The following CCDC7 variants were observed in gnomAD, a reference collection of about 807,000 sequenced individuals.
CCDC7 encodes coiled-coil domain-containing protein 7.
A neutral mutation model predicts 196.9 loss-of-function variants in CCDC7; 183 were observed. That is an observed-to-expected ratio of 0.93 (90% CI 0.82 to 1.05). The LOEUF (loss-of-function observed/expected upper bound fraction) is 1.05. CCDC7 is among the 50% of genes least tolerant of loss of function. The pLI is 0.00. For missense variants in CCDC7, 1,540 were observed against 1,482.2 expected, an observed-to-expected ratio of 1.04 and a Z score of -0.64; for synonymous variants, 525 against 484.6, an observed-to-expected ratio of 1.08 and a Z score of -1.10.
intron 41 of CCDC7, among the ~76,000 whole-genome samples, chr10:32,875,689 T>G (rs747611327): frequency 1.3e-5 from 2 of 152,034 alleles, no homozygotes; most frequent in African/African-American, 2.4e-5. Context: ...TAACAAACAA[T>G]GTTGCAACAA....
chr10:32,781,546 C>CA (rs1290072210), intron 29 of CCDC7, among the ~76,000 whole-genome samples: 2 of 152,036 alleles, frequency 1.3e-5, no homozygotes, highest in Non-Finnish European at 2.9e-5. Flanking sequence ...TTAACAACAA[C>CA]AAAAAACCCC....
intron 13 of CCDC7, among the ~76,000 whole-genome samples, chr10:32,551,536 G>T (rs1320347856): frequency 6.6e-6 from 1 of 152,012 alleles, no homozygotes; most frequent in Non-Finnish European, 1.5e-5. Flanking sequence ...CACTTTTAGG[G>T]CTATGAACTT....
At chr10:32,620,659 A>C (rs530628874) in intron 18 of CCDC7, among the ~76,000 whole-genome samples, 1 of 152,302 alleles carries the variant, frequency 6.6e-6, no homozygotes, top group South Asian at 2.1e-4. Flanking sequence ...TTTATATTTA[A>C]GAACTTTTCC....
intron 18 of CCDC7, among the ~76,000 whole-genome samples, chr10:32,622,601 T>C (rs2063533612): frequency 6.6e-6 from 1 of 152,080 alleles, no homozygotes; most frequent in Non-Finnish European, 1.5e-5. Context: ...CTCTGCACTG[T>C]TGACATTTTG....
chr10:32,588,501 G>T (rs182838500), intron 18 of CCDC7, among the ~76,000 whole-genome samples: 130 of 151,972 alleles, frequency 8.6e-4, no homozygotes, highest in African/African-American at 2.8e-3. Flanking sequence ...TTTCTTTCCT[G>T]GGATAAATCC....
chr10:32,462,806 A>G, intron 4 of CCDC7, 103 bp downstream of exon 5: 2 of 1,278,342 alleles, frequency 1.6e-6, no homozygotes, highest in Non-Finnish European at 1.1e-6. Context: ...AAGGAATTCC[A>G]TACTTGCTGC....
At position 32,850,816 on chromosome 10, in the gene CCDC7, CACAG is replaced by C. The variant is rs1376771204; in HGVS notation, c.3896-989_3896-986del. ...ACACACACACACACACACACACACA[CACAG>C]AGACATGCAATGTAACAGTGGTGAG... On this transcript the variant is annotated intron_variant, in intron 39 of 41. Transcript: ENST00000639629. Among the ~76,000 whole-genome samples, 1,114 of 117,832 alleles carry C rather than the reference CACAG, an allele frequency of 9.5e-3. 10 individuals carry two copies. The highest frequency in any genetic ancestry group is 0.026 in the South Asian group (64 of 2,500). The allele number at this position is 117,832 out of a possible 152,430, so 77.3% of individuals were successfully genotyped here. A position where few individuals can be genotyped will look rare whatever the true frequency, so the allele number is the denominator to read the frequency against.
intron 28 of CCDC7, among the ~76,000 whole-genome samples, chr10:32,736,071 G>A (rs776726970): frequency 6.6e-6 from 1 of 152,108 alleles, no homozygotes; most frequent in African/African-American, 2.4e-5. Flanking sequence ...AGGGCTACAG[G>A]AATTTTTAAA....
chr10:32,708,208 A>G (rs977939048), intron 24 of CCDC7, among the ~76,000 whole-genome samples: 1 of 152,228 alleles, frequency 6.6e-6, no homozygotes, highest in Non-Finnish European at 1.5e-5. Flanking sequence ...CCTGACAAAA[A>G]CAAGAAATGG....
chr10:32,742,125 A>G (rs762993113), intron 28 of CCDC7, among the ~76,000 whole-genome samples: 1 of 152,190 alleles, frequency 6.6e-6, no homozygotes, highest in Non-Finnish European at 1.5e-5. Flanking sequence ...AGATGCATTT[A>G]TATTTACTGT....
intron 9 of CCDC7, among the ~76,000 whole-genome samples, chr10:32,502,937 T>C (rs2044303633): frequency 6.6e-6 from 1 of 152,184 alleles, no homozygotes; most frequent in Non-Finnish European, 1.5e-5. Context: ...ATTGTTTTCT[T>C]GCCTTCTTTT....
At chr10:32,614,291 T>C (rs530466868) in intron 18 of CCDC7, among the ~76,000 whole-genome samples, 3 of 151,980 alleles carry the variant, frequency 2.0e-5, no homozygotes, top group Admixed American at 6.6e-5. Flanking sequence ...TGGTAAATCT[T>C]CCTCCATCCC....
chr10:32,500,881 C>T (rs2043901205), intron 9 of CCDC7, among the ~76,000 whole-genome samples: 1 of 152,160 alleles, frequency 6.6e-6, no homozygotes. Flanking sequence ...CCCGTCTCCA[C>T]CAAAAAATAC....
At chr10:32,669,649 T>C (rs991159689) in intron 21 of CCDC7, among the ~76,000 whole-genome samples, 14 of 152,178 alleles carry the variant, frequency 9.2e-5, no homozygotes, top group Admixed American at 5.2e-4. Context: ...TCTTCACGGT[T>C]ATTGAAATTG....
intron 21 of CCDC7, among the ~76,000 whole-genome samples, chr10:32,672,045 C>T (rs529739723): frequency 6.6e-6 from 1 of 152,190 alleles, no homozygotes; most frequent in South Asian, 2.1e-4. Flanking sequence ...TTGGTAGTGG[C>T]ATGAGTATTT....
chr10:32,527,360 G>T (rs1022780746), intron 11 of CCDC7, among the ~76,000 whole-genome samples: 1 of 152,202 alleles, frequency 6.6e-6, no homozygotes, highest in Non-Finnish European at 1.5e-5. Context: ...GCAATATGAA[G>T]TTAAAACGAG....
chr10:32,870,498 T>C (rs1236006330), intron 41 of CCDC7, among the ~76,000 whole-genome samples: 7 of 152,192 alleles, frequency 4.6e-5, no homozygotes, highest in African/African-American at 1.4e-4. Context: ...GATTTTGGGC[T>C]GAGATGATGG....
At chr10:32,730,186 G>T (rs1354749590) in intron 28 of CCDC7, among the ~76,000 whole-genome samples, 1 of 151,926 alleles carries the variant, frequency 6.6e-6, no homozygotes, top group Non-Finnish European at 1.5e-5. Flanking sequence ...TGTGTAGGTT[G>T]TCCCCCACAT....
rs117989387 is a variant in CCDC7 at position 32,797,323 on chromosome 10, C to T, written c.3014-7692C>T. Among the ~76,000 whole-genome samples the T allele has an allele frequency of 1.8e-3, 271 of 151,116 alleles. 1 individual carries two copies. In the East Asian group the frequency reaches 0.029, roughly 16 times the overall value. The stretch of plus-strand genomic sequence containing the variant: ...CATATATAATATATATCATGGAATA[C>T]TACTCAGCCACAAAAAGGAATGAAT... On this transcript the variant is annotated intron_variant, in intron 29 of 41. Transcript: ENST00000639629.
Sources: gnomAD v4.1 joint callset for allele counts (sites outside exome capture counted in the v4.1 genomes callset) on GRCh38, gnomAD v4.1.1 for gene constraint, MANE v1.5 for transcripts, NCBI Gene and HGNC (gene_info 2026-07-23, HGNC 2026-07-21) for gene names.